GSE1: variants seen among roughly 807,000 people sequenced by gnomAD.
The protein encoded by GSE1 is genetic suppressor element 1.
In GSE1, 32 loss-of-function variants were observed where a neutral mutation model predicts 112.6. The ratio of observed to expected loss-of-function variants is 0.28; its 90% CI spans 0.21 to 0.38. The LOEUF (loss-of-function observed/expected upper bound fraction) is 0.38. GSE1 is among the 10% of genes least tolerant of loss of function. GSE1 has a pLI of 1.00. For synonymous variants in GSE1, 1,115 were observed against 735.6 expected, an observed-to-expected ratio of 1.52 and a Z score of -8.35; for missense variants, 2,348 against 1,699.2, an observed-to-expected ratio of 1.38 and a Z score of -6.71.
chr16:85,296,643 T>C (rs2045375070), intron 1 of GSE1, among the ~76,000 whole-genome samples: 1 of 152,002 alleles, frequency 6.6e-6, no homozygotes, highest in South Asian at 2.1e-4. Flanking sequence ...AAACAAAAAG[T>C]GTGCAGCATG....
upstream of GSE1, chr16:85,611,437 G>A (rs2047976011): frequency 2.0e-6 from 2 of 984,342 alleles, no homozygotes; most frequent in Non-Finnish European, 2.4e-6. Flanking sequence ...TATAGCGTCC[G>A]GCCAAGGCCG....
chr16:85,246,562 G>GAT (rs1358980861), intron 1 of GSE1, among the ~76,000 whole-genome samples: 3 of 145,102 alleles, frequency 2.1e-5, no homozygotes, highest in Non-Finnish European at 4.5e-5. Flanking sequence ...GAGCAGCCGT[G>GAT]ATTTATGTCC....
chr16:85,634,511 C>G (rs2049822533), intron 2 of GSE1, among the ~76,000 whole-genome samples: 1 of 152,212 alleles, frequency 6.6e-6, no homozygotes, highest in Non-Finnish European at 1.5e-5. Context: ...CCCCAAGTGG[C>G]TCCTTGCCCA....
chr16:85,380,933 T>C (rs1358671574), intron 2 of GSE1, among the ~76,000 whole-genome samples: 2 of 152,234 alleles, frequency 1.3e-5, no homozygotes, highest in Non-Finnish European at 2.9e-5. Flanking sequence ...GCGTGTTACT[T>C]TAATTTTTTA....
At chr16:85,252,258 C>T (rs1465509305) in intron 1 of GSE1, among the ~76,000 whole-genome samples, 1 of 152,178 alleles carries the variant, frequency 6.6e-6, no homozygotes. Context: ...GTCACTATCT[C>T]CATGCGATCA....
intron 2 of GSE1, among the ~76,000 whole-genome samples, chr16:85,388,537 T>C (rs1041984904): frequency 1.3e-5 from 2 of 148,542 alleles, no homozygotes; most frequent in Non-Finnish European, 3.0e-5. Context: ...GATTGATGGA[T>C]GGGTGGATGA....
intron 1 of GSE1, among the ~76,000 whole-genome samples, chr16:85,582,830 C>T (rs1813796676): frequency 2.0e-5 from 3 of 152,212 alleles, no homozygotes; most frequent in Admixed American, 6.5e-5. Flanking sequence ...TTAGCTGTTC[C>T]GAGCCAGTGA....
chr16:85,345,997 G>C (rs773452602), intron 1 of GSE1, among the ~76,000 whole-genome samples: 29 of 151,774 alleles, frequency 1.9e-4, no homozygotes, highest in Non-Finnish European at 4.0e-4. Context: ...TGGATGGATA[G>C]ATGCATGGAC....
At chr16:85,672,031 C>G in intron 15 of GSE1, 1 of 217,722 alleles carries the variant, frequency 4.6e-6, no homozygotes, top group Non-Finnish European at 9.6e-6. Context: ...CGAAGTCTCA[C>G]TCTGTCACCC....
chr16:85,277,996 C>T (rs765350371), intron 1 of GSE1, among the ~76,000 whole-genome samples: 1 of 152,242 alleles, frequency 6.6e-6, no homozygotes, highest in Non-Finnish European at 1.5e-5. Flanking sequence ...GCAGGCTTCA[C>T]GACTCCATTG....
intron 1 of GSE1, among the ~76,000 whole-genome samples, chr16:85,199,063 G>C (rs955618054): frequency 1.3e-5 from 2 of 152,078 alleles, no homozygotes; most frequent in Non-Finnish European, 2.9e-5. Context: ...TGCTGCCTCA[G>C]CCTCCCGAGT....
chr16:85,519,634 G>A lies in GSE1; in HGVS notation c.2465-114280G>A, dbSNP rs532452509. ...ATCACCATCACCACCACCATCACCAGTCTCCATCATCATCACCTTCACCAC... is the reference window on the plus strand; with the variant it reads ...ATCACCATCACCACCACCATCACCAATCTCCATCATCATCACCTTCACCAC... On this transcript the variant is annotated intron_variant, in intron 2 of 2. Coordinates refer to the GSE1 transcript ENST00000637419. Among the ~76,000 whole-genome samples, 349 of 96,826 alleles carry A rather than the reference G, an allele frequency of 3.6e-3. 13 individuals are homozygous for A. Among genetic ancestry groups the A allele is most frequent in the Non-Finnish European group, 6.2e-3 (265 of 42,594 alleles). The allele number at this position is 96,826 out of a possible 152,430, so 63.5% of individuals were successfully genotyped here.
chr16:85,618,511 T>G (rs1414600184), intron 1 of GSE1, among the ~76,000 whole-genome samples: 2 of 152,212 alleles, frequency 1.3e-5, no homozygotes, highest in African/African-American at 2.4e-5. Context: ...CTCAGGCACT[T>G]GTGTTCTGGG....
At chr16:85,410,416 G>T (rs1173233856) in intron 2 of GSE1, among the ~76,000 whole-genome samples, 4 of 26,056 alleles carry the variant, frequency 1.5e-4, no homozygotes, top group Admixed American at 4.6e-4. Context: ...AATCCTCACT[G>T]TTACACTCAG....
At chr16:85,634,429 T>G (rs935488898) in intron 2 of GSE1, among the ~76,000 whole-genome samples, 2 of 152,108 alleles carry the variant, frequency 1.3e-5, no homozygotes, top group Non-Finnish European at 2.9e-5. Context: ...GTGACTTGAT[T>G]GGGAGGAGGG....
At chr16:85,647,801 G>A (rs2051003690) in intron 2 of GSE1, among the ~76,000 whole-genome samples, 1 of 152,120 alleles carries the variant, frequency 6.6e-6, no homozygotes, top group Non-Finnish European at 1.5e-5. Context: ...TGGCCAGGAT[G>A]GTCTCGAACT....
chr16:85,521,848 GGAGGGTTCCCACACGACTCTT>G lies in GSE1; in HGVS notation c.2465-112064_2465-112044del, dbSNP rs1404464755. Among the ~76,000 whole-genome samples, 3 of 152,324 alleles carry G rather than the reference GGAGGGTTCCCACACGACTCTT, an allele frequency of 2.0e-5. No homozygotes were observed. In the East Asian group the frequency reaches 5.8e-4, roughly 29 times the overall value. On this transcript the variant is annotated intron_variant, in intron 2 of 2. Coordinates refer to the GSE1 transcript ENST00000637419. ...GCTGGCGCTCAGCCCAGGGGGTCGT[GGAGGGTTCCCACACGACTCTT>G]GTAAGATCCTCTGCTAATGAGGTCC...
chr16:85,621,394 G>A (rs1038980825), intron 1 of GSE1, among the ~76,000 whole-genome samples: 1 of 152,270 alleles, frequency 6.6e-6, no homozygotes, highest in African/African-American at 2.4e-5. Context: ...GCAGGGAGTG[G>A]AGTGTGCGCT....
intron 1 of GSE1, among the ~76,000 whole-genome samples, chr16:85,613,818 C>A (rs934870189): frequency 2.7e-5 from 4 of 149,002 alleles, no homozygotes; most frequent in African/African-American, 1.0e-4. Context: ...GGCTGTGCGC[C>A]CCCGCGGCAG....
Sources: gnomAD v4.1 joint callset for allele counts (sites outside exome capture counted in the v4.1 genomes callset) on GRCh38, gnomAD v4.1.1 for gene constraint, MANE v1.5 for transcripts, NCBI Gene and HGNC (gene_info 2026-07-23, HGNC 2026-07-21) for gene names.